AGMO: variants seen among roughly 807,000 people sequenced by gnomAD.
AGMO encodes glyceryl-ether monooxygenase.
A neutral mutation model predicts 60.2 loss-of-function variants in AGMO; 75 were observed. That is an observed-to-expected ratio of 1.25 (90% CI 1.03 to 1.51). AGMO has a LOEUF of 1.51. Among genes scored for constraint, AGMO ranks in the 40% most tolerant of loss-of-function variants. The pLI, the probability that AGMO is intolerant of heterozygous loss-of-function variation, is 0.00. For synonymous variants in AGMO, 261 were observed against 177.1 expected, an observed-to-expected ratio of 1.47 and a Z score of -3.76; for missense variants, 763 against 525.5, an observed-to-expected ratio of 1.45 and a Z score of -4.42.
chr7:15,490,111 A>G (rs1209011347), intron 3 of AGMO, among the ~76,000 whole-genome samples: 2 of 152,206 alleles, frequency 1.3e-5, no homozygotes, highest in Admixed American at 1.3e-4. Context: ...TAAACAAACA[A>G]TTTTTAAATA....
At chr7:15,477,551 T>A (rs555401180) in intron 3 of AGMO, among the ~76,000 whole-genome samples, 1 of 152,166 alleles carries the variant, frequency 6.6e-6, no homozygotes, top group Non-Finnish European at 1.5e-5. Context: ...ATACATTGAA[T>A]GAAAAATTCG....
At chr7:15,126,644 T>G in the AGMO span, among the ~76,000 whole-genome samples, 2 of 152,052 alleles carry the variant, frequency 1.3e-5, no homozygotes, top group East Asian at 1.9e-4. Context: ...CCGTGGATAT[T>G]GTGACTTACT....
intron 12 of AGMO, among the ~76,000 whole-genome samples, chr7:15,205,978 C>T (rs1178273551): frequency 6.6e-6 from 1 of 151,890 alleles, no homozygotes; most frequent in Non-Finnish European, 1.5e-5. Context: ...ATATGGAGTA[C>T]TTTTTTCCTA....
chr7:15,358,791 A>C (rs1782641198), intron 12 of AGMO, among the ~76,000 whole-genome samples: 1 of 152,158 alleles, frequency 6.6e-6, no homozygotes, highest in South Asian at 2.1e-4. Context: ...CGCCTCTCTG[A>C]GTTTTAGGTC....
Position 15,340,074 on chromosome 7 carries a change from T to G in AGMO, c.1263+25440A>C, listed in dbSNP as rs1008205399. Among the ~76,000 whole-genome samples, 6 of 152,296 alleles carry G rather than the reference T, an allele frequency of 3.9e-5. No individual in the cohort carries two copies. The South Asian group carries it at 1.2e-3, about 32-fold the overall frequency. Reference sequence around the variant, plus strand: ...TAGAAGTGCTTAGAAGTTTCCGATTTTTTTGGATTTGGAATATCTGCATAT... The same window carrying G: ...TAGAAGTGCTTAGAAGTTTCCGATTGTTTTGGATTTGGAATATCTGCATAT... On this transcript the variant is annotated intron_variant, in intron 12 of 12. Coordinates refer to ENST00000342526, the MANE Select transcript of AGMO (RefSeq NM_001004320.2).
At chr7:15,477,109 A>C (rs760213277) in intron 3 of AGMO, among the ~76,000 whole-genome samples, 1 of 151,292 alleles carries the variant, frequency 6.6e-6, no homozygotes, top group African/African-American at 2.4e-5. Context: ...AGCCTATCAC[A>C]GACTATTTAT....
intron 3 of AGMO, among the ~76,000 whole-genome samples, chr7:15,536,922 T>C (rs571618520): frequency 6.6e-6 from 1 of 152,114 alleles, no homozygotes; most frequent in South Asian, 2.1e-4. Flanking sequence ...GACTTTTTTT[T>C]TGGTCTAAAA....
At chr7:15,273,318 A>G (rs1444732479) in intron 12 of AGMO, among the ~76,000 whole-genome samples, 2 of 152,206 alleles carry the variant, frequency 1.3e-5, no homozygotes, top group African/African-American at 4.8e-5. Flanking sequence ...GGTGTAAGGA[A>G]GGGATCTAGT....
chr7:15,453,193 C>T (rs1477257503), intron 3 of AGMO, among the ~76,000 whole-genome samples: 1 of 152,010 alleles, frequency 6.6e-6, no homozygotes, highest in East Asian at 1.9e-4. Flanking sequence ...CACTGAATGG[C>T]ACAGTTTAAG....
the AGMO span, among the ~76,000 whole-genome samples, chr7:15,128,962 G>A: frequency 1.3e-5 from 2 of 152,054 alleles, no homozygotes; most frequent in Non-Finnish European, 1.5e-5. Context: ...GAGCTTTATA[G>A]TGAAAAAAGG....
At chr7:15,159,507 C>T in the AGMO span, among the ~76,000 whole-genome samples, 9 of 152,122 alleles carry the variant, frequency 5.9e-5, no homozygotes, top group Non-Finnish European at 7.4e-5. Context: ...TAGGCTCATT[C>T]TCATTTAGAA....
intron 12 of AGMO, among the ~76,000 whole-genome samples, chr7:15,308,468 A>G (rs748373133): frequency 6.6e-6 from 1 of 151,890 alleles, no homozygotes; most frequent in Non-Finnish European, 1.5e-5. Flanking sequence ...TACCTACATC[A>G]TGGTGTTTTT....
rs545530394 is a variant in AGMO, at chr7:15,542,413, T to C, written c.409+2359A>G. On this transcript the variant is annotated intron_variant, in intron 3 of 12. Transcript: ENST00000342526. ...ACATTTTTAATATGTTATTTTACTTTATTGCTCTTCCCAACTGAGAACACT... is the reference window on the plus strand; with the variant it reads ...ACATTTTTAATATGTTATTTTACTTCATTGCTCTTCCCAACTGAGAACACT... Among the ~76,000 whole-genome samples, 6 of 152,324 alleles carry C rather than the reference T, an allele frequency of 3.9e-5. No individual in the cohort carries two copies. In the East Asian group the frequency reaches 9.6e-4, roughly 24 times the overall value.
At chr7:15,300,010 G>C (rs1282096138) in intron 12 of AGMO, among the ~76,000 whole-genome samples, 1 of 152,070 alleles carries the variant, frequency 6.6e-6, no homozygotes, top group Non-Finnish European at 1.5e-5. Context: ...AATAGAAACT[G>C]ACCAAAGCAT....
At chr7:15,274,431 C>T (rs1783716515) in intron 12 of AGMO, among the ~76,000 whole-genome samples, 1 of 152,184 alleles carries the variant, frequency 6.6e-6, no homozygotes, top group East Asian at 1.9e-4. Flanking sequence ...TATTGATTTG[C>T]GTATGTTGAA....
At chr7:15,125,999 C>T in the AGMO span, among the ~76,000 whole-genome samples, 1 of 152,040 alleles carries the variant, frequency 6.6e-6, no homozygotes, top group South Asian at 2.1e-4. Context: ...GTAATGAATG[C>T]TATTCAAATG....
At chr7:15,324,705 A>C (rs2128541511) in intron 12 of AGMO, among the ~76,000 whole-genome samples, 1 of 152,266 alleles carries the variant, frequency 6.6e-6, no homozygotes, top group Non-Finnish European at 1.5e-5. Flanking sequence ...GGTTTCAGGA[A>C]GAAACTGTTC....
chr7:15,192,118 T>C, the AGMO span, among the ~76,000 whole-genome samples: 1 of 152,018 alleles, frequency 6.6e-6, no homozygotes, highest in Non-Finnish European at 1.5e-5. Flanking sequence ...AACAAAACCA[T>C]GTTAATATGG....
At chr7:15,303,929 T>C (rs1323665141) in intron 12 of AGMO, among the ~76,000 whole-genome samples, 2 of 152,166 alleles carry the variant, frequency 1.3e-5, no homozygotes, top group African/African-American at 4.8e-5. Context: ...AAAATCATGA[T>C]ATAGACCTGG....
Sources: allele counts gnomAD v4.1 joint callset (sites outside exome capture counted in the v4.1 genomes callset), GRCh38; gene constraint gnomAD v4.1.1; transcripts MANE v1.5; gene names NCBI Gene and HGNC (gene_info 2026-07-23, HGNC 2026-07-21).